Variants in PSEN1 observed in about 807,000 individuals in gnomAD.
PSEN1 encodes presenilin-1.
In PSEN1, 15 loss-of-function variants were observed where a neutral mutation model predicts 53.5. That is an observed-to-expected ratio of 0.28 (90% CI 0.19 to 0.43). The LOEUF (loss-of-function observed/expected upper bound fraction) is 0.43, where lower values mean the gene tolerates loss of function less well. Among genes scored for constraint, PSEN1 ranks in the 20% least tolerant of loss-of-function variants. PSEN1 has a pLI of 1.00. For synonymous variants in PSEN1, 208 were observed against 209.8 expected (o/e 0.99, Z 0.08); for missense variants, 387 against 571.2 (o/e 0.68, Z 3.29).
intron 5 of PSEN1, among the ~76,000 whole-genome samples, chr14:73,183,161 A>G (rs992269287): frequency 4.6e-5 from 7 of 152,164 alleles, no homozygotes; most frequent in African/African-American, 1.7e-4. Context: ...TCTGTTGCTC[A>G]GGCTGGAGTG....
intron 4 of PSEN1, among the ~76,000 whole-genome samples, chr14:73,171,915 C>A (rs1379895604): frequency 6.6e-6 from 1 of 152,126 alleles, no homozygotes; most frequent in Non-Finnish European, 1.5e-5. Context: ...CGATTAAGTC[C>A]TTCTTGGTAT....
Position 73,171,048 on chromosome 14 carries a change from G to A in PSEN1, c.338+1G>A. The A allele has an allele frequency of 1.2e-6, 2 of 1,614,112 alleles. No individual in the cohort carries two copies. The highest frequency in any genetic ancestry group is 1.7e-6 in the Non-Finnish European group (2 of 1,180,038). On this transcript the variant is annotated splice_donor_variant, in intron 4 of 11. Coordinates refer to ENST00000324501, the MANE Select transcript of PSEN1 (RefSeq NM_000021.4). LOFTEE classifies it high-confidence loss of function. ...TTTATACCCGGAAGGATGGGCAGCT[G>A]TACGTATGAGTTTTGTTTTATTATT... is the stretch of plus-strand genomic sequence containing the variant.
intron 3 of PSEN1, among the ~76,000 whole-genome samples, chr14:73,163,979 G>A (rs1242247991): frequency 6.6e-6 from 1 of 151,942 alleles, no homozygotes; most frequent in Non-Finnish European, 1.5e-5. Flanking sequence ...GACTAGGGGA[G>A]CATAAAAGCA....
intron 8 of PSEN1, among the ~76,000 whole-genome samples, chr14:73,203,378 G>A (rs911400655): frequency 1.3e-5 from 2 of 152,016 alleles, no homozygotes; most frequent in African/African-American, 2.4e-5. Flanking sequence ...ATGAGCCACC[G>A]CACCTGGCCT....
chr14:73,177,397 T>G (rs1898077020), intron 5 of PSEN1, among the ~76,000 whole-genome samples: 1 of 149,782 alleles, frequency 6.7e-6, no homozygotes, highest in South Asian at 2.1e-4. Flanking sequence ...GTGTGTGTTT[T>G]TGTTTTTGTT....
intron 10 of PSEN1, among the ~76,000 whole-genome samples, chr14:73,216,303 T>C (rs762843550): frequency 1.3e-5 from 2 of 152,148 alleles, no homozygotes; most frequent in African/African-American, 2.4e-5. Flanking sequence ...TGTAAACGGG[T>C]ACAAGGTACC....
intron 5 of PSEN1, among the ~76,000 whole-genome samples, chr14:73,177,640 A>G (rs978745361): frequency 1.3e-5 from 2 of 152,196 alleles, no homozygotes; most frequent in Non-Finnish European, 2.9e-5. Flanking sequence ...GGATATTGTT[A>G]CTGGGCAGAA....
At chr14:73,192,558 A>G in intron 6 of PSEN1, 86 bp from the exon 7 acceptor site, 1 of 935,296 alleles carries the variant, frequency 1.1e-6, no homozygotes, top group Non-Finnish European at 1.8e-6. Context: ...TTAATATCTA[A>G]TGTTTGGGAG....
chr14:73,153,681 A>G (rs370487918), intron 3 of PSEN1, among the ~76,000 whole-genome samples: 4 of 133,150 alleles, frequency 3.0e-5, no homozygotes, highest in South Asian at 2.4e-4. Flanking sequence ...TTTTTTGCCC[A>G]TTAAGTCTTA....
chr14:73,181,111 A>T (rs1898198572), intron 5 of PSEN1, among the ~76,000 whole-genome samples: 1 of 152,188 alleles, frequency 6.6e-6, no homozygotes, highest in African/African-American at 2.4e-5. Flanking sequence ...TTGTGGGTTT[A>T]TCCGTATGAG....
chr14:73,150,996 A>G (rs1443336292), intron 3 of PSEN1, among the ~76,000 whole-genome samples: 1 of 151,768 alleles, frequency 6.6e-6, no homozygotes, highest in East Asian at 1.9e-4. Context: ...TGAACCTGGG[A>G]GGCGGAGCTT....
intron 5 of PSEN1, among the ~76,000 whole-genome samples, chr14:73,181,059 A>G (rs1898196503): frequency 6.6e-6 from 1 of 152,376 alleles, no homozygotes; most frequent in South Asian, 2.1e-4. Flanking sequence ...GGGGAAAGAA[A>G]GGGAAAACAA....
chr14:73,173,513 TTGG>T, intron 4 of PSEN1, 50 bp from the exon 5 acceptor site: 1 of 1,562,560 alleles, frequency 6.4e-7, no homozygotes, highest in Non-Finnish European at 8.8e-7. Flanking sequence ...GGTAATGTGG[TTGG>T]TGATCTCCAT....
chr14:73,192,905 C>G, intron 7 of PSEN1, 41 bp downstream of exon 7: 1 of 1,456,230 alleles, frequency 6.9e-7, no homozygotes, highest in Non-Finnish European at 9.6e-7. Context: ...ACAGGAATGC[C>G]CCACTGGAGT....
chr14:73,215,469 G>C (rs1899874958), intron 10 of PSEN1, among the ~76,000 whole-genome samples: 3 of 151,748 alleles, frequency 2.0e-5, no homozygotes, highest in Admixed American at 2.0e-4. Flanking sequence ...TGTAATCCCA[G>C]CTATTCGAGA....
intron 6 of PSEN1, chr14:73,189,792 C>A (rs2140086927): frequency 4.1e-6 from 1 of 241,346 alleles, no homozygotes; most frequent in South Asian, 4.8e-5. Context: ...AGGTCCTGCC[C>A]CCAGCTCCCC....
At chr14:73,161,123 C>T (rs748202331) in intron 3 of PSEN1, among the ~76,000 whole-genome samples, 4 of 151,770 alleles carry the variant, frequency 2.6e-5, no homozygotes, top group East Asian at 1.9e-4. Flanking sequence ...TATAGGCACT[C>T]GCCACCATAC....
intron 8 of PSEN1, among the ~76,000 whole-genome samples, chr14:73,203,164 C>T (rs1342768123): frequency 1.3e-5 from 2 of 152,084 alleles, no homozygotes; most frequent in South Asian, 2.1e-4. Context: ...CTGCAACCTC[C>T]GCCTCCCAGG....
chr14:73,155,589 TA>T (rs1234075424), intron 3 of PSEN1, among the ~76,000 whole-genome samples: 8 of 152,104 alleles, frequency 5.3e-5, no homozygotes, highest in African/African-American at 1.9e-4. Context: ...GTGCAGCCTG[TA>T]AGTCCTGGGC....
Sources: allele counts gnomAD v4.1 joint callset (sites outside exome capture counted in the v4.1 genomes callset), GRCh38; gene constraint gnomAD v4.1.1; transcripts MANE v1.5; gene names NCBI Gene and HGNC (gene_info 2026-07-23, HGNC 2026-07-21).